Variants in RIN3 observed in about 807,000 individuals in gnomAD.
RIN3 encodes Ras and Rab interactor 3.
In RIN3, 54 loss-of-function variants were observed where a neutral mutation model predicts 76.3. That is an observed-to-expected ratio of 0.71 (90% CI 0.57 to 0.89). RIN3 has a LOEUF of 0.89. Among genes scored for constraint, RIN3 ranks in the 40% least tolerant of loss-of-function variants. The pLI is 0.00. For synonymous variants in RIN3, 576 were observed against 564.0 expected, an observed-to-expected ratio of 1.02 and a Z score of -0.30; for missense variants, 1,256 against 1,322.1, an observed-to-expected ratio of 0.95 and a Z score of 0.78.
At chr14:92,677,285 C>G (rs1031102047) in intron 8 of RIN3, among the ~76,000 whole-genome samples, 3 of 152,192 alleles carry the variant, frequency 2.0e-5, no homozygotes, top group African/African-American at 7.2e-5. Context: ...CCCACTTAGC[C>G]TCAGCCACCC....
chr14:92,685,444 G>T lies in RIN3; in HGVS notation c.2631+294G>T. On this transcript the variant is annotated intron_variant, in intron 9 of 9. Transcript: ENST00000216487. This position sits in a 1 kb window ranked among gnomAD's most constrained non-coding sequence, Gnocchi z 4.7. The stretch of plus-strand genomic sequence containing the variant: ...CCCATCATTCCTTAGCCCCTCCTAG[G>T]ACCCAGCACCCTGCAGGGGCTGGAG... 5.8e-6 allele frequency: 2 copies of T among 347,186 alleles called. No homozygotes were observed. Among genetic ancestry groups the T allele is most frequent in the Non-Finnish European group, 5.4e-6 (1 of 185,480 alleles). 21.5% of individuals were successfully genotyped at this position (347,186 alleles called of 1,614,324 possible).
chr14:92,557,748 C>T (rs2140037262), intron 2 of RIN3, among the ~76,000 whole-genome samples: 1 of 152,322 alleles, frequency 6.6e-6, no homozygotes, highest in Non-Finnish European at 1.5e-5. Flanking sequence ...ACCAGGGTCT[C>T]CTGCCAGTGG....
chr14:92,672,490 G>A (rs1039156120), intron 7 of RIN3, among the ~76,000 whole-genome samples: 2 of 152,212 alleles, frequency 1.3e-5, no homozygotes, highest in Non-Finnish European at 2.9e-5. Flanking sequence ...ACTCACACCA[G>A]GCTAGAACAG....
rs182857903 is a variant in RIN3, at chr14:92,681,779, A to G, written c.2468-3208A>G. Among the ~76,000 whole-genome samples, 23 of 152,316 alleles carry G rather than the reference A, an allele frequency of 1.5e-4. No homozygotes were observed. The East Asian group carries it at 4.4e-3, about 29-fold the overall frequency. On this transcript the variant is annotated intron_variant, in intron 8 of 9. Transcript: ENST00000216487. This position sits in a 1 kb window ranked among gnomAD's most constrained non-coding sequence, Gnocchi z 4.7. ...GGCCTGGGGCTTTAAACCTAACTTAAAATGGAGATACGTAAGTGGTTTAGT... is the reference window on the plus strand; with the variant it reads ...GGCCTGGGGCTTTAAACCTAACTTAGAATGGAGATACGTAAGTGGTTTAGT...
intron 2 of RIN3, among the ~76,000 whole-genome samples, chr14:92,573,470 A>C (rs1898121269): frequency 7.3e-6 from 1 of 136,832 alleles, no homozygotes; most frequent in South Asian, 2.5e-4. Context: ...TCAAGTCTCC[A>C]GTCCCCTTCT....
chr14:92,531,840 G>A (rs1308438712), intron 1 of RIN3, among the ~76,000 whole-genome samples: 1 of 152,028 alleles, frequency 6.6e-6, no homozygotes, highest in African/African-American at 2.4e-5. Context: ...GGTTCACTCT[G>A]CCAAAGCACA....
At chr14:92,657,136 A>T (rs1438328252) in intron 6 of RIN3, among the ~76,000 whole-genome samples, 7 of 152,208 alleles carry the variant, frequency 4.6e-5, no homozygotes. Flanking sequence ...AGGAGGGCAG[A>T]TCACTTGAGA....
intron 6 of RIN3, among the ~76,000 whole-genome samples, chr14:92,658,243 A>G (rs1887742821): frequency 6.6e-6 from 1 of 152,226 alleles, no homozygotes; most frequent in Admixed American, 6.5e-5. Context: ...CTGATCGGGA[A>G]TGCCTCTCAG....
chr14:92,575,631 T>G (rs1041889132), intron 2 of RIN3, among the ~76,000 whole-genome samples: 1 of 152,110 alleles, frequency 6.6e-6, no homozygotes, highest in African/African-American at 2.4e-5. Context: ...ATGACATCTG[T>G]AAACTGTCAT....
intron 3 of RIN3, among the ~76,000 whole-genome samples, chr14:92,595,966 A>T (rs930831842): frequency 1.3e-5 from 2 of 152,198 alleles, no homozygotes; most frequent in African/African-American, 4.8e-5. Context: ...GGAAAGTTCT[A>T]TAGAAATAAA....
At chr14:92,604,297 G>T (rs554406754) in intron 3 of RIN3, among the ~76,000 whole-genome samples, 1 of 152,308 alleles carries the variant, frequency 6.6e-6, no homozygotes, top group African/African-American at 2.4e-5. Flanking sequence ...TTATCCTCAG[G>T]GTCTGCGCCC....
chr14:92,652,069 C>T lies in RIN3; in HGVS notation c.1020C>T (p.Thr340=). 3 of 1,603,654 alleles carry T rather than the reference C, an allele frequency of 1.9e-6. No homozygotes were observed. The Admixed American group carries it at 5.0e-5, about 27-fold the overall frequency. ...PDHPNQPPMM[T]CERLPCPTAG... The stretch of plus-strand genomic sequence containing the variant: ...ATCCGAACCAGCCGCCCATGATGAC[C>T]TGCGAGAGACTCCCATGCCCCACTG... Residue 340 remains threonine (T), a synonymous_variant, in exon 6 of 10, where the codon ACC becomes ACT. Coordinates refer to ENST00000216487, the MANE Select transcript of RIN3 (RefSeq NM_024832.5). This position sits in a 1 kb window ranked among gnomAD's most constrained non-coding sequence, Gnocchi z 6.4.
At chr14:92,545,258 T>C (rs1383143328) in intron 1 of RIN3, among the ~76,000 whole-genome samples, 1 of 151,798 alleles carries the variant, frequency 6.6e-6, no homozygotes, top group East Asian at 1.9e-4. Context: ...TACAGGCACC[T>C]GCCACCACGC....
chr14:92,665,370 CTTTTTTTTTT>C (rs55818571), intron 7 of RIN3, among the ~76,000 whole-genome samples: 7 of 83,580 alleles, frequency 8.4e-5, no homozygotes, highest in East Asian at 3.6e-4. Context: ...GCCTTTGTCT[CTTTTTTTTTT>C]TTTTTTTTTT....
Position 92,685,143 on chromosome 14 carries a change from C to T in RIN3, c.2624C>T (p.Ser875Phe). ...AACAAGGCCCGGGCCTCCCGCTCCT[C>T]CGTACAGGTGAGGCCTGAGAGCGGG... ...TLNKARASRS[S>F]VQDFICVSYL... The change falls in exon 9 of 10, where the codon TCC becomes TTC. Residue 875 changes from serine to phenylalanine, a missense_variant. Ser to Phe is a radical substitution (Grantham distance 155). Around this residue, in one of 3 missense-constraint regions of RIN3, gnomAD observed 218 missense variants for 174.5 expected, o/e 1.25. Coordinates refer to ENST00000216487, the MANE Select transcript of RIN3 (RefSeq NM_024832.5). The surrounding 1 kb of genome is among the most constrained non-coding windows in gnomAD (Gnocchi z 4.7). 1 of 1,610,486 alleles carries T rather than the reference C, an allele frequency of 6.2e-7. No homozygotes were observed. Among genetic ancestry groups the T allele is most frequent in the South Asian group, 1.1e-5 (1 of 90,854 alleles).
Position 92,676,489 on chromosome 14 carries a change from G to A in RIN3, c.2350G>A (p.Ala784Thr). ...CTTCTTCCCAGGGAAGCCCTATGGG[G>A]CGGATGACTTCCTGCCTGTGCTCAT... ...ALGNPGKPYG[A>T]DDFLPVLMYV... Residue 784 changes from alanine (A) to threonine (T), a missense_variant, in exon 8 of 10, where the codon GCG (alanine) becomes ACG (threonine). Ala to Thr is a moderately conservative substitution (Grantham distance 58, BLOSUM62 0). Around this residue, in one of 3 missense-constraint regions of RIN3, gnomAD observed 428 missense variants for 521.2 expected, o/e 0.82. Coordinates refer to ENST00000216487, the MANE Select transcript of RIN3 (RefSeq NM_024832.5). 15 of 1,614,084 alleles carry A rather than the reference G, an allele frequency of 9.3e-6. No homozygotes were observed. The highest frequency in any genetic ancestry group is 1.3e-5 in the Non-Finnish European group (15 of 1,179,968).
At position 92,538,996 on chromosome 14, in the gene RIN3, C is replaced by T. The variant is rs113815111; in HGVS notation, c.45-16755C>T. ...CCAGGCCCCCTCCCAGGGGTCTGTC[C>T]TTGCAGAGATGGCCTCAGCTCATCC... On this transcript the variant is annotated intron_variant, in intron 1 of 9. Transcript: ENST00000216487. Among the ~76,000 whole-genome samples the T allele has an allele frequency of 2.4e-3, 372 of 152,158 alleles. 1 individual carries two copies. The highest frequency in any genetic ancestry group is 8.0e-3 in the African/African-American group (333 of 41,494).
chr14:92,624,838 G>A (rs1457143041), intron 4 of RIN3, among the ~76,000 whole-genome samples: 2 of 152,194 alleles, frequency 1.3e-5, no homozygotes, highest in Non-Finnish European at 2.9e-5. Flanking sequence ...GGCCCATGAC[G>A]CTGGAGGGGG....
chr14:92,538,071 T>C (rs984747529), intron 1 of RIN3, among the ~76,000 whole-genome samples: 12 of 151,604 alleles, frequency 7.9e-5, no homozygotes, highest in Admixed American at 6.5e-4. Context: ...GTGATCCACC[T>C]GCCTCGGCCT....
Sources: gnomAD v4.1 joint callset for allele counts (sites outside exome capture counted in the v4.1 genomes callset) on GRCh38, gnomAD v4.1.1 for gene constraint, gnomAD v4.1.1 regional missense constraint, Gnocchi (gnomAD v3.1) non-coding constraint, MANE v1.5 for transcripts, NCBI Gene and HGNC (gene_info 2026-07-23, HGNC 2026-07-21) for gene names.